Variants in HRH1 observed in about 807,000 individuals in gnomAD.
HRH1 encodes the protein histamine receptor H1.
Under a neutral mutation model 10.3 loss-of-function variants are expected in HRH1, and 6 were observed. The ratio of observed to expected loss-of-function variants is 0.58; its 90% confidence interval spans 0.32 to 1.15. HRH1 has a LOEUF of 1.15. Ranked by LOEUF, HRH1 falls within the 50% of genes most tolerant of loss-of-function variation. The pLI is 0.05. For synonymous variants in HRH1, 242 were observed against 236.7 expected (o/e 1.02, Z -0.21); for missense variants, 514 against 615.3 (o/e 0.84, Z 1.74).
chr3:11,243,007 G>T (rs957242147), intron 1 of HRH1, among the ~76,000 whole-genome samples: 1 of 151,900 alleles, frequency 6.6e-6, no homozygotes, highest in Admixed American at 6.6e-5. Context: ...TCTGCCTCCT[G>T]GGTTCAAGTG....
chr3:11,156,987 AC>A (rs1474807125), intron 1 of HRH1, among the ~76,000 whole-genome samples: 2 of 152,104 alleles, frequency 1.3e-5, no homozygotes, highest in Non-Finnish European at 2.9e-5. Context: ...AACTTCTGAT[AC>A]TCTGCTAGAC....
At chr3:11,228,140 A>G (rs766471156) in intron 1 of HRH1, among the ~76,000 whole-genome samples, 6 of 152,192 alleles carry the variant, frequency 3.9e-5, no homozygotes, top group African/African-American at 7.2e-5. Context: ...TTCATTCATC[A>G]CTTACTGAAC....
chr3:11,217,494 A>G (rs1343635746), intron 1 of HRH1, among the ~76,000 whole-genome samples: 1 of 152,096 alleles, frequency 6.6e-6, no homozygotes, highest in Non-Finnish European at 1.5e-5. Context: ...GCGCCATTGC[A>G]CTCCAGCTTG....
At position 11,263,122 on chromosome 3, in the gene HRH1, C is replaced by T. The variant is rs908169484; in HGVS notation, c.*2621C>T. On this transcript the variant is annotated 3_prime_UTR_variant, in exon 2 of 2. Transcript: ENST00000431010. ...ATCAATCTGCTCTTCGTACTCCTGT[C>T]TGAACGATGGAAATTAATTTTTGAA... is the stretch of plus-strand genomic sequence containing the variant. The T allele has an allele frequency of 1.8e-5, 3 of 167,034 alleles. No individual in the cohort carries two copies. Among genetic ancestry groups the T allele is most frequent in the African/African-American group, 7.2e-5 (3 of 41,426 alleles). 10.3% of individuals were successfully genotyped at this position (167,034 alleles called of 1,614,324 possible). A position where few individuals can be genotyped will look rare whatever the true frequency, so the allele number is the denominator to read the frequency against.
intron 1 of HRH1, among the ~76,000 whole-genome samples, chr3:11,213,197 A>C (rs1235232694): frequency 6.6e-6 from 1 of 152,226 alleles, no homozygotes; most frequent in South Asian, 2.1e-4. Context: ...GTGGACGAGC[A>C]CTTTGACTTG....
In HRH1 at chr3:11,173,026, T is replaced by C. The variant is rs573545514; in HGVS notation, c.-36+18472T>C. On this transcript the variant is annotated intron_variant, in intron 1 of 1. Coordinates refer to ENST00000431010, the MANE Select transcript of HRH1 (RefSeq NM_001098212.2). ...TTTGGCGAACCTTCTAGGAGCAAAC[T>C]AGAGCAGTGTTTCCCAAAGTCCCTC... Among the ~76,000 whole-genome samples the C allele has an allele frequency of 1.1e-3, 172 of 152,228 alleles. 1 individual carries two copies. Among genetic ancestry groups the C allele is most frequent in the Non-Finnish European group, 1.6e-3 (111 of 68,006 alleles).
chr3:11,161,015 G>C (rs1043735147), intron 1 of HRH1, among the ~76,000 whole-genome samples: 1 of 152,198 alleles, frequency 6.6e-6, no homozygotes, highest in Non-Finnish European at 1.5e-5. Context: ...GGAGGAGCAA[G>C]AGAAGGGAAT....
At chr3:11,158,124 C>T (rs1303184860) in intron 1 of HRH1, among the ~76,000 whole-genome samples, 1 of 152,192 alleles carries the variant, frequency 6.6e-6, no homozygotes, top group Non-Finnish European at 1.5e-5. Context: ...TAATATAGCA[C>T]CCACCTTACA....
At chr3:11,254,373 A>G (rs1939731729) in intron 1 of HRH1, among the ~76,000 whole-genome samples, 1 of 152,232 alleles carries the variant, frequency 6.6e-6, no homozygotes, top group Admixed American at 6.5e-5. Flanking sequence ...CCTTTAAGCC[A>G]TATGAGGTGA....
chr3:11,202,035 T>A (rs1937932576), intron 1 of HRH1, among the ~76,000 whole-genome samples: 1 of 152,216 alleles, frequency 6.6e-6, no homozygotes, highest in African/African-American at 2.4e-5. Context: ...GAAAATGGAT[T>A]CTTCCTTAAT....
intron 1 of HRH1, chr3:11,234,590 C>A: frequency 1.4e-6 from 2 of 1,437,678 alleles, no homozygotes. Flanking sequence ...TTGGGGTCAT[C>A]AGCCACCAAT....
At chr3:11,185,519 C>T (rs1273872383) in intron 1 of HRH1, among the ~76,000 whole-genome samples, 4 of 152,166 alleles carry the variant, frequency 2.6e-5, no homozygotes, top group African/African-American at 7.2e-5. Flanking sequence ...ATGAAGTTGG[C>T]GCTCCATGAA....
intron 1 of HRH1, among the ~76,000 whole-genome samples, chr3:11,197,990 T>G (rs990786036): frequency 2.0e-5 from 3 of 152,162 alleles, no homozygotes; most frequent in Non-Finnish European, 2.9e-5. Flanking sequence ...CTCTGCTTGT[T>G]GTTCGGCATC....
chr3:11,202,562 A>G (rs890894512), intron 1 of HRH1, among the ~76,000 whole-genome samples: 2 of 151,982 alleles, frequency 1.3e-5, no homozygotes, highest in Non-Finnish European at 2.9e-5. Flanking sequence ...ACCCTCCTCC[A>G]TCCCCTAGCC....
At chr3:11,142,256 G>GTC (rs1936305800) in intron 1 of HRH1, among the ~76,000 whole-genome samples, 1 of 152,212 alleles carries the variant, frequency 6.6e-6, no homozygotes, top group Non-Finnish European at 1.5e-5. Flanking sequence ...TGGAGCCTAG[G>GTC]TCTGTCTCTG....
At chr3:11,179,627 A>C (rs1356740899) in intron 1 of HRH1, among the ~76,000 whole-genome samples, 1 of 151,648 alleles carries the variant, frequency 6.6e-6, no homozygotes, top group African/African-American at 2.4e-5. Flanking sequence ...CTCAAAAAAA[A>C]AAAAAGAAAG....
chr3:11,141,073 C>T (rs952186682), intron 1 of HRH1, among the ~76,000 whole-genome samples: 3 of 152,078 alleles, frequency 2.0e-5, no homozygotes, highest in African/African-American at 7.2e-5. Flanking sequence ...AATTCCTCTC[C>T]CCATCCTGGG....
At chr3:11,164,638 G>A (rs1936996098) in intron 1 of HRH1, among the ~76,000 whole-genome samples, 1 of 152,186 alleles carries the variant, frequency 6.6e-6, no homozygotes, top group African/African-American at 2.4e-5. Flanking sequence ...TGTGCATTCT[G>A]ATAACTGGAT....
At chr3:11,166,289 AAAAG>A (rs1253616243) in intron 1 of HRH1, among the ~76,000 whole-genome samples, 13 of 152,214 alleles carry the variant, frequency 8.5e-5, no homozygotes, top group Non-Finnish European at 1.6e-4. Flanking sequence ...GAAGCGTTGA[AAAAG>A]AAAGACAAGA....
Sources: allele counts gnomAD v4.1 joint callset (sites outside exome capture counted in the v4.1 genomes callset), GRCh38; gene constraint gnomAD v4.1.1; transcripts MANE v1.5; gene names NCBI Gene and HGNC (gene_info 2026-07-23, HGNC 2026-07-21).